The following COX7B2 variants were observed in gnomAD, a reference collection of about 807,000 sequenced individuals.
The protein encoded by COX7B2 is cytochrome c oxidase subunit 7B2, mitochondrial.
For missense variants in COX7B2, 109 were observed against 95.9 expected (o/e 1.14, Z -0.57); for synonymous variants, 37 against 32.1 (o/e 1.15, Z -0.51).
At chr4:46,801,712 C>T (rs1718666303) in intron 2 of COX7B2, among the ~76,000 whole-genome samples, 1 of 152,046 alleles carries the variant, frequency 6.6e-6, no homozygotes, top group South Asian at 2.1e-4. Context: ...ATCCCCTGAA[C>T]CTAAAATAAA....
intron 1 of COX7B2, among the ~76,000 whole-genome samples, chr4:46,905,699 T>A (rs1297714365): frequency 6.6e-6 from 1 of 152,112 alleles, no homozygotes; most frequent in Non-Finnish European, 1.5e-5. Flanking sequence ...AATATGTTTT[T>A]AAAACTTTCA....
At chr4:46,887,497 G>C (rs1379803161) in intron 1 of COX7B2, among the ~76,000 whole-genome samples, 1 of 151,958 alleles carries the variant, frequency 6.6e-6, no homozygotes, top group Non-Finnish European at 1.5e-5. Context: ...TGATCACGAG[G>C]TCAGGAGATC....
chr4:46,905,083 A>T, intron 1 of COX7B2, among the ~76,000 whole-genome samples: 1 of 152,188 alleles, frequency 6.6e-6, no homozygotes, highest in Non-Finnish European at 1.5e-5. Context: ...GAGAGTTGAT[A>T]CAAGATATAA....
intron 2 of COX7B2, among the ~76,000 whole-genome samples, chr4:46,738,788 T>C (rs186871289): frequency 2.0e-5 from 3 of 152,138 alleles, no homozygotes; most frequent in Admixed American, 6.6e-5. Flanking sequence ...TACAAAAAGA[T>C]AGAGGAAGAC....
chr4:46,738,650 T>C (rs1440360196), intron 2 of COX7B2, among the ~76,000 whole-genome samples: 1 of 152,124 alleles, frequency 6.6e-6, no homozygotes, highest in Non-Finnish European at 1.5e-5. Context: ...CAGTAAGTCC[T>C]ACTCCTATTA....
intron 1 of COX7B2, among the ~76,000 whole-genome samples, chr4:46,887,606 G>T (rs903397428): frequency 6.6e-6 from 1 of 151,356 alleles, no homozygotes; most frequent in African/African-American, 2.4e-5. Context: ...AGCTACTCGG[G>T]AGGCTGAGGC....
chr4:46,897,891 G>A (rs1719854416), intron 1 of COX7B2, among the ~76,000 whole-genome samples: 1 of 152,152 alleles, frequency 6.6e-6, no homozygotes, highest in South Asian at 2.1e-4. Flanking sequence ...ATCTGGTATT[G>A]TTAACCACAT....
chr4:46,842,643 C>T (rs1173088298), intron 2 of COX7B2, among the ~76,000 whole-genome samples: 3 of 151,384 alleles, frequency 2.0e-5, no homozygotes, highest in South Asian at 2.1e-4. Flanking sequence ...TGAGTGAGAA[C>T]ATGCGGTGTT....
chr4:46,835,771 A>G (rs1715475046), intron 2 of COX7B2, among the ~76,000 whole-genome samples: 1 of 152,214 alleles, frequency 6.6e-6, no homozygotes, highest in South Asian at 2.1e-4. Context: ...TGAGAAATGC[A>G]TCATTAGGCA....
intron 2 of COX7B2, among the ~76,000 whole-genome samples, chr4:46,763,225 A>C (rs1716329987): frequency 1.4e-5 from 2 of 138,302 alleles, no homozygotes. Context: ...ATATATATTC[A>C]TATATATTAT....
intron 2 of COX7B2, among the ~76,000 whole-genome samples, chr4:46,814,241 T>C (rs1406230607): frequency 6.6e-6 from 1 of 152,246 alleles, no homozygotes; most frequent in Non-Finnish European, 1.5e-5. Context: ...TGGTTTGTCA[T>C]TGAACACCAA....
intron 2 of COX7B2, among the ~76,000 whole-genome samples, chr4:46,765,564 G>A (rs1716482673): frequency 6.6e-6 from 1 of 152,146 alleles, no homozygotes; most frequent in Non-Finnish European, 1.5e-5. Context: ...GCAAACTGAA[G>A]CTCCAGGCCT....
At chr4:46,749,586 A>C (rs1715225218) in intron 2 of COX7B2, among the ~76,000 whole-genome samples, 1 of 152,206 alleles carries the variant, frequency 6.6e-6, no homozygotes, top group Admixed American at 6.5e-5. Flanking sequence ...CAGTGTAAGG[A>C]TTGTTAGTTT....
intron 2 of COX7B2, among the ~76,000 whole-genome samples, chr4:46,786,827 T>C (rs1005866958): frequency 1.3e-5 from 2 of 152,174 alleles, no homozygotes; most frequent in African/African-American, 4.8e-5. Flanking sequence ...CAGACCATAG[T>C]TGGTCCCTAA....
At chr4:46,791,496 G>A (rs1577709304) in intron 2 of COX7B2, among the ~76,000 whole-genome samples, 2 of 152,168 alleles carry the variant, frequency 1.3e-5, no homozygotes, top group South Asian at 4.1e-4. Flanking sequence ...AAATAACGTT[G>A]AGAGCTTCTT....
chr4:46,819,001 A>G (rs186232644), intron 2 of COX7B2, among the ~76,000 whole-genome samples: 157 of 152,332 alleles, frequency 1.0e-3, no homozygotes, highest in African/African-American at 3.6e-3. Context: ...AACTATTTTT[A>G]AATGCATGAT....
In COX7B2 at chr4:46,734,844, C is replaced by A; in HGVS notation, c.*103G>T. The A allele has an allele frequency of 1.5e-6, 2 of 1,363,070 alleles. No homozygotes were observed. The highest frequency in any genetic ancestry group is 2.0e-6 in the Non-Finnish European group (2 of 979,006). 84.4% of individuals were successfully genotyped at this position (1,363,070 alleles called of 1,614,324 possible). On this transcript the variant is annotated 3_prime_UTR_variant, in exon 3 of 3. Coordinates refer to ENST00000355591, the MANE Select transcript of COX7B2 (RefSeq NM_130902.3). ...GCAATGACTTTTTAAAGATTTAAAA[C>A]ACATTTTATTTTTTCAATTGTGCTA...
Position 46,752,570 on chromosome 4 carries a change from CTTA to C in COX7B2, c.-49-17332_-49-17330del, listed in dbSNP as rs1383265047. Among the ~76,000 whole-genome samples, 10 of 152,090 alleles carry C rather than the reference CTTA, an allele frequency of 6.6e-5. No individual in the cohort carries two copies. The South Asian group carries it at 1.9e-3, about 28-fold the overall frequency. ...GGCTTTGGGTTTATCATAAATAGCTCTTATTATTTTGAGATACATCCTATCAAT... is the reference window on the plus strand; with the variant it reads ...GGCTTTGGGTTTATCATAAATAGCTCTTATTTTGAGATACATCCTATCAAT... On this transcript the variant is annotated intron_variant, in intron 2 of 2. Coordinates refer to ENST00000355591, the MANE Select transcript of COX7B2 (RefSeq NM_130902.3).
intron 2 of COX7B2, among the ~76,000 whole-genome samples, chr4:46,776,778 T>G (rs930298917): frequency 6.6e-6 from 1 of 152,120 alleles, no homozygotes; most frequent in African/African-American, 2.4e-5. Context: ...GTAAAGATCA[T>G]GAACCTCACC....
Sources: gnomAD v4.1 joint callset for allele counts (sites outside exome capture counted in the v4.1 genomes callset) on GRCh38, gnomAD v4.1.1 for gene constraint, MANE v1.5 for transcripts, NCBI Gene and HGNC (gene_info 2026-07-23, HGNC 2026-07-21) for gene names.